Variants in ITGB4 observed in about 807,000 individuals in gnomAD.
ITGB4 encodes the protein integrin beta-4.
Under a neutral mutation model 207.6 loss-of-function variants are expected in ITGB4, and 159 were observed. That is an observed-to-expected ratio of 0.77 (90% CI 0.67 to 0.87). The LOEUF is 0.87. Among genes scored for constraint, ITGB4 ranks in the 40% least tolerant of loss-of-function variants. The pLI, the probability that ITGB4 is intolerant of heterozygous loss-of-function variation, is 0.00. For missense variants in ITGB4, 2,278 were observed against 2,546.8 expected (o/e 0.89, Z 2.27); for synonymous variants, 1,020 against 1,062.7 (o/e 0.96, Z 0.78).
At chr17:75,745,825 A>C (rs1189724735) in intron 26 of ITGB4, among the ~76,000 whole-genome samples, 1 of 152,090 alleles carries the variant, frequency 6.6e-6, no homozygotes, top group African/African-American at 2.4e-5. Context: ...GCTGCAGTGA[A>C]CCGAGATCAT....
rs1051549165 is a variant in ITGB4 at position 75,750,010 on chromosome 17, TGCGCTGGGTAGA to T, written c.3317-96_3317-85del. The stretch of plus-strand genomic sequence containing the variant: ...CGCGGGTGGGCAGGTCTGAGTTGAA[TGCGCTGGGTAGA>T]GCGCCCTGGGTGTTGAAGTGGGTCT... On this transcript the variant is annotated intron_variant, in intron 27 of 39. Transcript: ENST00000200181. The surrounding 1 kb of genome is among the most constrained non-coding windows in gnomAD (Gnocchi z 5.5). The T allele has an allele frequency of 6.8e-7, 1 of 1,461,810 alleles. No individual in the cohort carries two copies. The highest frequency in any genetic ancestry group is 1.4e-5 in the African/African-American group (1 of 72,058). 90.6% of individuals were successfully genotyped at this position (1,461,810 alleles called of 1,614,324 possible).
In ITGB4 at chr17:75,755,768, A is replaced by G; in HGVS notation, c.4626A>G (p.Thr1542=). ...TGGTGTTCTCTGCCCTGGGGCCCAC[A>G]TCTCTCAGAGTGAGCTGGCAGGAGC... ...TRLVFSALGP[T]SLRVSWQEPR... is the part of the protein sequence containing the mutation. Residue 1542 remains threonine, a synonymous_variant, in exon 35 of 40, where the codon ACA becomes ACG. Transcript: ENST00000200181. The G allele has an allele frequency of 6.2e-7, 1 of 1,612,686 alleles. No homozygotes were observed. Among genetic ancestry groups the G allele is most frequent in the African/African-American group, 1.3e-5 (1 of 75,016 alleles).
At chr17:75,743,896 G>T (rs371218432) in intron 26 of ITGB4, 35 bp downstream of exon 26, 1 of 1,547,346 alleles carries the variant, frequency 6.5e-7, no homozygotes, top group Admixed American at 2.0e-5. Flanking sequence ...GGTGCAGCCC[G>T]GGGGGCTGCG....
At position 75,750,221 on chromosome 17, in the gene ITGB4, A is replaced by G. The variant is rs149481974; in HGVS notation, c.3427A>G (p.Ile1143Val). Reference protein sequence around the residue: ...PNAKAAGSRKIHFNWLPPSGK... With the variant: ...PNAKAAGSRKVHFNWLPPSGK... ...TGCTAAGGCCGCTGGGTCCAGGAAG[A>G]TCCATTTCAACTGGCTGCCCCCTTC... Residue 1143 changes from isoleucine to valine, a missense_variant, in exon 28 of 40, where the codon ATC becomes GTC. By Grantham distance (29) the Ile-to-Val change is conservative (BLOSUM62 3). Transcript: ENST00000200181. This position sits in a 1 kb window ranked among gnomAD's most constrained non-coding sequence, Gnocchi z 5.5. 177 of 1,613,756 alleles carry G rather than the reference A, an allele frequency of 1.1e-4. No homozygotes were observed. The African/African-American group carries it at 2.0e-3, about 18-fold the overall frequency.
At chr17:75,751,793 G>A (rs536755634) in intron 30 of ITGB4, 3 of 315,456 alleles carry the variant, frequency 9.5e-6, no homozygotes, top group Admixed American at 4.5e-5. Context: ...CTAGCAGCCC[G>A]AGATCAGAGG....
rs1468024354 is a variant in ITGB4 at position 75,749,028 on chromosome 17, T to C, written c.3299T>C (p.Ile1100Thr). 9.3e-6 allele frequency: 15 copies of C among 1,611,046 alleles called. No individual in the cohort carries two copies. The highest frequency in any genetic ancestry group is 1.1e-5 in the South Asian group (1 of 90,994). Reference protein sequence around the residue: ...AHLGQPHSTTIIIRDPDELDR... With the variant: ...AHLGQPHSTTTIIRDPDELDR... ...CTGGGCCAGCCCCACTCCACCACCA[T>C]CATCATCAGGGACCCAGGTAGGCAG... is the stretch of plus-strand genomic sequence containing the variant. Residue 1100 changes from isoleucine to threonine, a missense_variant, in exon 27 of 40, where the codon ATC becomes ACC. Transcript: ENST00000200181.
chr17:75,757,254 G>T lies in ITGB4; in HGVS notation c.5273G>T (p.Ser1758Ile), dbSNP rs147573071. 2 of 1,611,928 alleles carry T rather than the reference G, an allele frequency of 1.2e-6. No homozygotes were observed. The highest frequency in any genetic ancestry group is 1.7e-6 in the Non-Finnish European group (2 of 1,179,980). The change falls in exon 39 of 40, where the codon AGC (serine) becomes ATC (isoleucine). Residue 1758 changes from serine (S) to isoleucine (I), a missense_variant. By Grantham distance (142) the Ser-to-Ile change is moderately radical. Coordinates refer to ENST00000200181, the MANE Select transcript of ITGB4 (RefSeq NM_000213.5). ...GGGCTCTTCCAGCACCCGCTGCAAAGCGAGTACAGCAGCATCACCACCACC... is the reference window on the plus strand; with the variant it reads ...GGGCTCTTCCAGCACCCGCTGCAAATCGAGTACAGCAGCATCACCACCACC... The part of the protein sequence containing the change: ...RAGLFQHPLQ[S>I]EYSSITTTHT...
Position 75,742,201 on chromosome 17 carries a change from G to A in ITGB4, c.2634-140G>A. 9.2e-7 allele frequency: 1 copy of A among 1,089,998 alleles called. No homozygotes were observed. Among genetic ancestry groups the A allele is most frequent in the Non-Finnish European group, 1.4e-6 (1 of 736,676 alleles). The allele number at this position is 1,089,998 out of a possible 1,614,324, so 67.5% of individuals were successfully genotyped here. On this transcript the variant is annotated intron_variant, in intron 23 of 39. Coordinates refer to ENST00000200181, the MANE Select transcript of ITGB4 (RefSeq NM_000213.5). The surrounding 1 kb of genome is among the most constrained non-coding windows in gnomAD (Gnocchi z 5.9). Reference sequence around the variant, plus strand: ...GGTATGGGGCTGGCATAGGCCTGGAGCACTGCCTGCCTCTGAAGACCCTGC... The same window carrying A: ...GGTATGGGGCTGGCATAGGCCTGGAACACTGCCTGCCTCTGAAGACCCTGC...
intron 2 of ITGB4, among the ~76,000 whole-genome samples, chr17:75,725,448 G>A (rs1301105855): frequency 2.0e-5 from 3 of 152,122 alleles, no homozygotes. Context: ...ATGTAGCTAG[G>A]ACCACAGGCA....
chr17:75,755,707 G>T lies in ITGB4; in HGVS notation c.4565G>T (p.Arg1522Leu), dbSNP rs775852591. The stretch of plus-strand genomic sequence containing the variant: ...TGCGGCCTCCTGTCCCCAGACTCTC[G>T]CCTGACTGCTGGTGTGCCCGACACG... ...TLTSVSSHDS[R>L]LTAGVPDTPT... The change falls in exon 35 of 40, where the codon CGC becomes CTC. Residue 1522 changes from arginine to leucine, a missense_variant. Transcript: ENST00000200181. The T allele has an allele frequency of 6.2e-7, 1 of 1,612,822 alleles. No homozygotes were observed. The highest frequency in any genetic ancestry group is 8.5e-7 in the Non-Finnish European group (1 of 1,179,922).
At chr17:75,728,531 T>C in intron 6 of ITGB4, 58 bp downstream of exon 6, 1 of 1,317,460 alleles carries the variant, frequency 7.6e-7, no homozygotes, top group Non-Finnish European at 1.1e-6. Context: ...TGACCCCCAC[T>C]CCTCTTTCAC....
At position 75,739,614 on chromosome 17, in the gene ITGB4, G is replaced by C; in HGVS notation, c.2221-58G>C. The C allele has an allele frequency of 6.2e-7, 1 of 1,607,020 alleles. No homozygotes were observed. The highest frequency in any genetic ancestry group is 8.5e-7 in the Non-Finnish European group (1 of 1,174,136). On this transcript the variant is annotated intron_variant, in intron 18 of 39. Coordinates refer to ENST00000200181, the MANE Select transcript of ITGB4 (RefSeq NM_000213.5). This position sits in a 1 kb window ranked among gnomAD's most constrained non-coding sequence, Gnocchi z 5.4. ...GGCATGGGGCGGGGTGGCTGGAAGG[G>C]CTTACCTGGGCCAGGGCAGCTGTCT...
intron 26 of ITGB4, among the ~76,000 whole-genome samples, chr17:75,747,136 A>C (rs1295373705): frequency 6.6e-6 from 1 of 152,154 alleles, no homozygotes; most frequent in Non-Finnish European, 1.5e-5. Context: ...ATATAAATAG[A>C]GATGTGGACA....
chr17:75,748,995 G>A lies in ITGB4; in HGVS notation c.3266G>A (p.Gly1089Glu), dbSNP rs1434482433. Reference sequence around the variant, plus strand: ...GTCCAGCTCAGCAACCCTAAGTTTGGGGCCCACCTGGGCCAGCCCCACTCC... The same window carrying A: ...GTCCAGCTCAGCAACCCTAAGTTTGAGGCCCACCTGGGCCAGCCCCACTCC... ...FHVQLSNPKF[G>E]AHLGQPHSTT... Residue 1089 changes from glycine to glutamate, a missense_variant, in exon 27 of 40, where the codon GGG (glycine) becomes GAG (glutamate). Transcript: ENST00000200181. 6.8e-6 allele frequency: 11 copies of A among 1,612,790 alleles called. No homozygotes were observed. The highest frequency in any genetic ancestry group is 3.3e-5 in the South Asian group (3 of 91,066).
chr17:75,737,245 G>GC, intron 16 of ITGB4, 77 bp from the exon 17 acceptor site: 2 of 1,534,794 alleles, frequency 1.3e-6, no homozygotes, highest in Non-Finnish European at 1.8e-6. Context: ...CAGAGTAGGG[G>GC]CCCCCTCACC....
intron 13 of ITGB4, among the ~76,000 whole-genome samples, chr17:75,735,572 C>T (rs977077359): frequency 6.6e-6 from 1 of 151,866 alleles, no homozygotes; most frequent in Non-Finnish European, 1.5e-5. Flanking sequence ...GCCACCATGA[C>T]CAGCTAATTT....
chr17:75,732,085 C>T lies in ITGB4; in HGVS notation c.1378-78C>T. On this transcript the variant is annotated intron_variant, in intron 11 of 39. Coordinates refer to ENST00000200181, the MANE Select transcript of ITGB4 (RefSeq NM_000213.5). The surrounding 1 kb of genome is among the most constrained non-coding windows in gnomAD (Gnocchi z 5.3). ...ATATCCCTTGTGGGGTTTCCCGAGG[C>T]ACACAGGAGAGCGGAAGTGTCCAGT... The T allele has an allele frequency of 3.7e-6, 6 of 1,605,930 alleles. No homozygotes were observed. Among genetic ancestry groups the T allele is most frequent in the African/African-American group, 1.3e-5 (1 of 74,888 alleles).
intron 18 of ITGB4, among the ~76,000 whole-genome samples, chr17:75,738,295 C>G (rs549360800): frequency 4.0e-5 from 6 of 151,548 alleles, no homozygotes; most frequent in African/African-American, 1.5e-4. Context: ...CATCCTGGAG[C>G]CCCAGCCCCC....
chr17:75,723,973 G>T (rs2060666588), intron 1 of ITGB4, among the ~76,000 whole-genome samples: 2 of 152,264 alleles, frequency 1.3e-5, no homozygotes, highest in Non-Finnish European at 2.9e-5. Context: ...ACCCACAGCC[G>T]CTGGGGACGC....
Sources: allele counts gnomAD v4.1 joint callset (sites outside exome capture counted in the v4.1 genomes callset), GRCh38; gene constraint gnomAD v4.1.1; non-coding constraint Gnocchi (gnomAD v3.1); transcripts MANE v1.5; gene names NCBI Gene and HGNC (gene_info 2026-07-23, HGNC 2026-07-21).